The following SKI variants were observed in gnomAD, a reference collection of about 807,000 sequenced individuals.
The protein encoded by SKI is ski oncogene.
SKI carries 23 observed loss-of-function variants against 59.3 expected under a neutral mutation model. The ratio of observed to expected loss-of-function variants is 0.39; its 90% CI spans 0.28 to 0.55. The LOEUF is 0.55. SKI is among the 20% of genes least tolerant of loss of function. The probability of loss-of-function intolerance (pLI) is 0.67; values close to 1 mark genes in which losing one functional copy is unlikely to be tolerated. For synonymous variants in SKI, 673 were observed against 488.6 expected (o/e 1.38, Z -4.98); for missense variants, 1,017 against 1,038.9 (o/e 0.98, Z 0.29).
At position 2,229,661 on chromosome 1, in the gene SKI, C is replaced by A; in HGVS notation, c.895C>A (p.Arg299Ser). ...QDYTGKEEQA[R>S]LGRCLDDVKE... is the part of the protein sequence containing the mutation. ...TTACACGGGCAAGGAGGAGCAGGCG[C>A]GCCTCGGCCGCTGCCTGGACGACGT... The change falls in exon 1 of 7, where the codon CGC becomes AGC. Residue 299 changes from arginine to serine, a missense_variant. Arg to Ser is a moderately radical substitution (Grantham distance 110, BLOSUM62 -1). Coordinates refer to ENST00000378536, the MANE Select transcript of SKI (RefSeq NM_003036.4). This position sits in a 1 kb window ranked among gnomAD's most constrained non-coding sequence, Gnocchi z 6.3. 1 of 1,610,524 alleles carries A rather than the reference C, an allele frequency of 6.2e-7. No individual in the cohort carries two copies. The highest frequency in any genetic ancestry group is 8.5e-7 in the Non-Finnish European group (1 of 1,179,018).
chr1:2,280,196 C>T (rs903063212), intron 1 of SKI, among the ~76,000 whole-genome samples: 5 of 150,158 alleles, frequency 3.3e-5, no homozygotes, highest in Non-Finnish European at 7.4e-5. Context: ...GGTGAAACCA[C>T]GTATCTACTA....
chr1:2,247,080 G>C (rs1313521785), intron 1 of SKI, among the ~76,000 whole-genome samples: 1 of 152,212 alleles, frequency 6.6e-6, no homozygotes, highest in East Asian at 1.9e-4. Context: ...AGTTAGCCAG[G>C]TGTGGTGGCA....
At chr1:2,231,789 C>T (rs548118118) in intron 1 of SKI, among the ~76,000 whole-genome samples, 3 of 152,342 alleles carry the variant, frequency 2.0e-5, no homozygotes, top group South Asian at 2.1e-4. Context: ...GCGGGTTTTC[C>T]TCTCCTCATG....
At chr1:2,301,429 C>A (rs947982764) in intron 1 of SKI, among the ~76,000 whole-genome samples, 8 of 151,540 alleles carry the variant, frequency 5.3e-5, no homozygotes, top group Non-Finnish European at 1.0e-4. Context: ...GAGCACTTAT[C>A]TTTCTCCCTT....
chr1:2,292,795 T>C (rs962372630), intron 1 of SKI, among the ~76,000 whole-genome samples: 6 of 152,176 alleles, frequency 3.9e-5, no homozygotes, highest in Non-Finnish European at 5.9e-5. Flanking sequence ...GGGGTGGTCT[T>C]CTGACGCCGG....
At chr1:2,284,082 C>T (rs960356905) in intron 1 of SKI, among the ~76,000 whole-genome samples, 20 of 152,198 alleles carry the variant, frequency 1.3e-4, no homozygotes, top group South Asian at 4.1e-4. Flanking sequence ...GGCCATCCCC[C>T]GTCCATGAAT....
intron 1 of SKI, among the ~76,000 whole-genome samples, chr1:2,241,462 C>G (rs561650911): frequency 1.3e-5 from 2 of 152,068 alleles, no homozygotes; most frequent in Non-Finnish European, 2.9e-5. Flanking sequence ...CTGCGATCTC[C>G]GCTCACTGCA....
chr1:2,251,802 C>T lies in SKI; in HGVS notation c.969+22067C>T, dbSNP rs188443081. 2.4e-3 allele frequency among the ~76,000 whole-genome samples: 361 copies of T among 152,344 alleles called. 1 individual carries two copies. Among genetic ancestry groups the T allele is most frequent in the African/African-American group, 8.2e-3 (339 of 41,564 alleles). On this transcript the variant is annotated intron_variant, in intron 1 of 6. Transcript: ENST00000378536. ...AAAGTATTTCTTTCCTCGTGAATGT[C>T]GACCATTTTCTCGAGTCTGGTTGTT...
chr1:2,274,420 G>C (rs1639697771), intron 1 of SKI, among the ~76,000 whole-genome samples: 1 of 152,120 alleles, frequency 6.6e-6, no homozygotes, highest in Non-Finnish European at 1.5e-5. Flanking sequence ...GTGGGGTGCA[G>C]TTCCCCGTGG....
intron 1 of SKI, among the ~76,000 whole-genome samples, chr1:2,289,070 C>T (rs191584313): frequency 5.9e-5 from 9 of 152,314 alleles, no homozygotes; most frequent in African/African-American, 2.2e-4. Context: ...GGAAGTGGAG[C>T]TGGGGGAAGG....
Position 2,233,315 on chromosome 1 carries a change from G to A in SKI, c.969+3580G>A, listed in dbSNP as rs113694525. On this transcript the variant is annotated intron_variant, in intron 1 of 6. Coordinates refer to ENST00000378536, the MANE Select transcript of SKI (RefSeq NM_003036.4). Reference sequence around the variant, plus strand: ...TGTTCTGGGCCGGGGGTCCTGCTCCGAGGGGGCCGGGCGTCCTGTTCCTAG... The same window carrying A: ...TGTTCTGGGCCGGGGGTCCTGCTCCAAGGGGGCCGGGCGTCCTGTTCCTAG... Among the ~76,000 whole-genome samples the A allele has an allele frequency of 3.3e-3, 504 of 151,782 alleles. 2 individuals are homozygous for A. Among genetic ancestry groups the A allele is most frequent in the African/African-American group, 0.012 (476 of 41,352 alleles).
rs1638580320 is a variant in SKI at position 2,229,409 on chromosome 1, G to C, written c.643G>C (p.Glu215Gln). The change falls in exon 1 of 7, where the codon GAG becomes CAG. Residue 215 changes from glutamate to glutamine, a missense_variant. Glu to Gln is a conservative substitution (Grantham distance 29). Transcript: ENST00000378536. The surrounding 1 kb of genome is among the most constrained non-coding windows in gnomAD (Gnocchi z 6.3). ...CCTGGCGCTGGGCCTGGAGCTCAGC[G>C]AGCGCAGCGTCCGCGTGTACCACGA... ...ASLALGLELS[E>Q]RSVRVYHECF... is the part of the protein sequence containing the mutation. The C allele has an allele frequency of 6.2e-7, 1 of 1,609,580 alleles. No individual in the cohort carries two copies. The highest frequency in any genetic ancestry group is 8.5e-7 in the Non-Finnish European group (1 of 1,178,436).
intron 1 of SKI, among the ~76,000 whole-genome samples, chr1:2,274,394 A>G (rs957863637): frequency 6.6e-6 from 1 of 152,010 alleles, no homozygotes; most frequent in Non-Finnish European, 1.5e-5. Flanking sequence ...ACGACCACCC[A>G]TGACGGCTGT....
At chr1:2,265,543 T>G (rs1441148874) in intron 1 of SKI, among the ~76,000 whole-genome samples, 1 of 152,230 alleles carries the variant, frequency 6.6e-6, no homozygotes, top group Non-Finnish European at 1.5e-5. Context: ...CTCTGTGAAT[T>G]TCTATGTCTG....
At position 2,306,567 on chromosome 1, in the gene SKI, T is replaced by C. The variant is rs1401878596; in HGVS notation, c.1999-10T>C. On this transcript the variant is annotated splice_polypyrimidine_tract_variant and intron_variant, in intron 6 of 6. Transcript: ENST00000378536. Reference sequence around the variant, plus strand: ...GAGCAGGCGCCGCTGACCACTCGGCTCCCTTTCAGATCGAAGACCTGCAGG... The same window carrying C: ...GAGCAGGCGCCGCTGACCACTCGGCCCCCTTTCAGATCGAAGACCTGCAGG... The C allele has an allele frequency of 1.9e-6, 3 of 1,540,494 alleles. No homozygotes were observed. Among genetic ancestry groups the C allele is most frequent in the African/African-American group, 1.4e-5 (1 of 72,546 alleles).
Position 2,306,381 on chromosome 1 carries a change from C to T in SKI, c.1998+131C>T, listed in dbSNP as rs1028099696. 59 of 1,019,988 alleles carry T rather than the reference C, an allele frequency of 5.8e-5. No individual in the cohort carries two copies. In the African/African-American group the frequency reaches 6.3e-4, roughly 11 times the overall value. The allele number at this position is 1,019,988 out of a possible 1,614,324, so 63.2% of individuals were successfully genotyped here. On this transcript the variant is annotated intron_variant, in intron 6 of 6. Transcript: ENST00000378536. ...GGCCCGGGACCACGTTCCGTGCGTGCCCCCCCGACGGGCACAGGGTGGGTG... is the reference window on the plus strand; with the variant it reads ...GGCCCGGGACCACGTTCCGTGCGTGTCCCCCCGACGGGCACAGGGTGGGTG...
At chr1:2,302,842 C>G in intron 1 of SKI, 136 bp from the exon 2 acceptor site, 1 of 1,213,860 alleles carries the variant, frequency 8.2e-7, no homozygotes. Context: ...GCCCTGGAAT[C>G]TGCCTTCTGC....
intron 1 of SKI, among the ~76,000 whole-genome samples, chr1:2,290,833 T>C (rs954964906): frequency 1.3e-5 from 2 of 152,204 alleles, no homozygotes; most frequent in African/African-American, 4.8e-5. Flanking sequence ...GAAACACTCT[T>C]AATTGAGTCC....
chr1:2,278,086 G>A (rs563696419), intron 1 of SKI, among the ~76,000 whole-genome samples: 10 of 152,372 alleles, frequency 6.6e-5, no homozygotes, highest in African/African-American at 1.9e-4. Context: ...GGGTGAGCAA[G>A]TCTGGAGGCA....
Sources: gnomAD v4.1 joint callset for allele counts (sites outside exome capture counted in the v4.1 genomes callset) on GRCh38, gnomAD v4.1.1 for gene constraint, Gnocchi (gnomAD v3.1) non-coding constraint, MANE v1.5 for transcripts, NCBI Gene and HGNC (gene_info 2026-07-23, HGNC 2026-07-21) for gene names.